Variants in PCDH15 observed in about 807,000 individuals in gnomAD.
PCDH15 encodes the protein protocadherin-15.
A neutral mutation model predicts 178.5 loss-of-function variants in PCDH15; 129 were observed. That is an observed-to-expected ratio of 0.72 (90% CI 0.63 to 0.84). The LOEUF is 0.84. PCDH15 is among the 40% of genes least tolerant of loss of function. PCDH15 has a pLI of 0.00. For missense variants in PCDH15, 2,230 were observed against 2,099.9 expected, an observed-to-expected ratio of 1.06 and a Z score of -1.21; for synonymous variants, 800 against 732.0, an observed-to-expected ratio of 1.09 and a Z score of -1.50.
intron 2 of PCDH15, among the ~76,000 whole-genome samples, chr10:55,606,464 G>C (rs1843219462): frequency 6.6e-6 from 1 of 150,934 alleles, no homozygotes. Context: ...AAAGAACAAA[G>C]CTGGAGGCAT....
chr10:54,296,420 C>T (rs372895626), intron 8 of PCDH15, among the ~76,000 whole-genome samples: 132 of 152,162 alleles, frequency 8.7e-4, no homozygotes, highest in African/African-American at 3.0e-3. Flanking sequence ...AAGGGAGACT[C>T]GCCCATCTCT....
chr10:54,447,752 C>G (rs765212127), intron 3 of PCDH15, among the ~76,000 whole-genome samples: 1 of 151,614 alleles, frequency 6.6e-6, no homozygotes, highest in Non-Finnish European at 1.5e-5. Context: ...TAATATTGGT[C>G]AGAGTCTTCT....
At chr10:55,127,680 T>C (rs1051910517) in intron 2 of PCDH15, among the ~76,000 whole-genome samples, 4 of 152,198 alleles carry the variant, frequency 2.6e-5, no homozygotes, top group Admixed American at 1.3e-4. Flanking sequence ...CTGGATTCTC[T>C]TGCATGCAGA....
intron 2 of PCDH15, among the ~76,000 whole-genome samples, chr10:54,566,093 A>AATAC (rs897750269): frequency 2.0e-5 from 3 of 152,008 alleles, no homozygotes; most frequent in Non-Finnish European, 2.9e-5. Context: ...TCAATAAATA[A>AATAC]ATACATACAT....
At chr10:54,228,996 G>C (rs1353888923) in intron 9 of PCDH15, among the ~76,000 whole-genome samples, 1 of 152,054 alleles carries the variant, frequency 6.6e-6, no homozygotes, top group Non-Finnish European at 1.5e-5. Context: ...CAGTTAAAGG[G>C]ATCTGTATTT....
intron 3 of PCDH15, among the ~76,000 whole-genome samples, chr10:54,416,758 C>T (rs1189859811): frequency 6.6e-6 from 1 of 152,092 alleles, no homozygotes; most frequent in Non-Finnish European, 1.5e-5. Context: ...TAAAAGTGTG[C>T]CTATTTCTCT....
rs543809031 is a variant in PCDH15 at position 54,045,254 on chromosome 10, C to T, written c.2220+21503G>A. 2.0e-5 allele frequency among the ~76,000 whole-genome samples: 3 copies of T among 152,178 alleles called. No individual in the cohort carries two copies. In the South Asian group the frequency reaches 6.2e-4, roughly 32 times the overall value. On this transcript the variant is annotated intron_variant, in intron 18 of 37. Transcript: ENST00000644397. ...CATTTGGGAAAGGCATACTTTCGTC[C>T]TTGCAAAGCTAGGCTCTGCTGCACT...
chr10:54,963,310 TATCTG>T (rs1227384421), intron 2 of PCDH15, among the ~76,000 whole-genome samples: 2 of 150,732 alleles, frequency 1.3e-5, no homozygotes, highest in African/African-American at 4.9e-5. Flanking sequence ...AAGGATAGAA[TATCTG>T]CTTAACTGAC....
intron 21 of PCDH15, chr10:53,995,383 A>G: frequency 2.0e-6 from 1 of 507,054 alleles, no homozygotes; most frequent in East Asian, 3.7e-5. Context: ...CAATTCATAT[A>G]TATTTATCAT....
At chr10:54,202,196 G>T (rs1339995862) in intron 10 of PCDH15, among the ~76,000 whole-genome samples, 1 of 152,092 alleles carries the variant, frequency 6.6e-6, no homozygotes, top group African/African-American at 2.4e-5. Context: ...TACTCTTCCA[G>T]TCCACTCAAC....
At position 53,928,633 on chromosome 10, in the gene PCDH15, C is replaced by A. The variant is rs145482516; in HGVS notation, c.3373+10182G>T. On this transcript the variant is annotated intron_variant, in intron 25 of 37. Transcript: ENST00000644397. ...GTAACATAAGTGACTTAATAGATTC[C>A]AGTTCTTCTGTGCATAGTTTCATTT... Among the ~76,000 whole-genome samples, 176 of 151,982 alleles carry A rather than the reference C, an allele frequency of 1.2e-3. 2 individuals are homozygous for A. The highest frequency in any genetic ancestry group is 3.9e-3 in the African/African-American group (162 of 41,484).
intron 1 of PCDH15, among the ~76,000 whole-genome samples, chr10:54,750,078 G>T (rs1241719527): frequency 6.6e-6 from 1 of 151,962 alleles, no homozygotes; most frequent in East Asian, 1.9e-4. Flanking sequence ...CTAGGTACAT[G>T]AAGCGCCCTT....
chr10:55,602,506 G>C (rs1322509811), intron 2 of PCDH15, among the ~76,000 whole-genome samples: 2 of 152,110 alleles, frequency 1.3e-5, no homozygotes, highest in Non-Finnish European at 2.9e-5. Context: ...GCTTTGAAGA[G>C]AGCAGTGGTT....
At chr10:55,543,314 A>C (rs1007027954) in intron 2 of PCDH15, among the ~76,000 whole-genome samples, 3 of 149,498 alleles carry the variant, frequency 2.0e-5, no homozygotes, top group African/African-American at 7.3e-5. Flanking sequence ...CAAAGAAGCT[A>C]CAAATGTTCC....
chr10:54,527,220 GAA>G (rs975089406), intron 3 of PCDH15, among the ~76,000 whole-genome samples: 1 of 152,000 alleles, frequency 6.6e-6, no homozygotes, highest in Admixed American at 6.6e-5. Flanking sequence ...TAATGATAAG[GAA>G]AAAAAGTTTT....
At chr10:55,126,357 T>G (rs1837900625) in intron 2 of PCDH15, among the ~76,000 whole-genome samples, 1 of 152,120 alleles carries the variant, frequency 6.6e-6, no homozygotes, top group African/African-American at 2.4e-5. Flanking sequence ...TTCATAACTA[T>G]CCCTGTGAAC....
At chr10:53,825,743 A>C (rs758056419) in intron 32 of PCDH15, among the ~76,000 whole-genome samples, 1 of 151,412 alleles carries the variant, frequency 6.6e-6, no homozygotes, top group Admixed American at 6.6e-5. Context: ...TAATGCTTAG[A>C]ATTCCTGTAA....
chr10:54,481,696 A>G (rs1366863751), intron 3 of PCDH15, among the ~76,000 whole-genome samples: 1 of 151,846 alleles, frequency 6.6e-6, no homozygotes. Context: ...ACTGCACATC[A>G]TTTTATCTTG....
At chr10:55,126,027 G>A (rs917467425) in intron 2 of PCDH15, among the ~76,000 whole-genome samples, 1 of 151,936 alleles carries the variant, frequency 6.6e-6, no homozygotes, top group African/African-American at 2.4e-5. Flanking sequence ...CAAGATTTTT[G>A]AGTAAGGGGA....
Sources: allele counts gnomAD v4.1 joint callset (sites outside exome capture counted in the v4.1 genomes callset), GRCh38; gene constraint gnomAD v4.1.1; transcripts MANE v1.5; gene names NCBI Gene and HGNC (gene_info 2026-07-23, HGNC 2026-07-21).